XRN1: variants seen among roughly 807,000 people sequenced by gnomAD.
XRN1 encodes strand-exchange protein 1 homolog.
XRN1 carries 67 observed loss-of-function variants against 222.3 expected under a neutral mutation model. The ratio of observed to expected loss-of-function variants is 0.30; its 90% CI spans 0.25 to 0.37. XRN1 has a LOEUF of 0.37. Ranked by LOEUF, XRN1 falls within the 10% of genes least tolerant of loss-of-function variation. XRN1 has a pLI of 1.00. For missense variants in XRN1, 1,707 were observed against 2,000.2 expected, an observed-to-expected ratio of 0.85 and a Z score of 2.80; for synonymous variants, 643 against 652.4, an observed-to-expected ratio of 0.99 and a Z score of 0.22.
chr3:142,392,509 A>G (rs2067766319), intron 20 of XRN1, among the ~76,000 whole-genome samples: 3 of 151,934 alleles, frequency 2.0e-5, no homozygotes, highest in Non-Finnish European at 2.9e-5. Context: ...AGAGTGTGAT[A>G]TTCCCCTTCC....
intron 1 of XRN1, among the ~76,000 whole-genome samples, chr3:142,433,497 C>T (rs1482292087): frequency 2.0e-5 from 3 of 152,174 alleles, no homozygotes; most frequent in Non-Finnish European, 4.4e-5. Context: ...GAATAACAAA[C>T]ATCTGCTTTT....
At chr3:142,316,358 A>G (rs2065212510) in intron 39 of XRN1, among the ~76,000 whole-genome samples, 1 of 151,898 alleles carries the variant, frequency 6.6e-6, no homozygotes, top group African/African-American at 2.4e-5. Context: ...CTGGGACTAT[A>G]GGTGCATGCC....
intron 20 of XRN1, among the ~76,000 whole-genome samples, chr3:142,387,882 CT>C (rs1471621591): frequency 3.3e-5 from 5 of 152,080 alleles, no homozygotes. Context: ...ACCTCCCTCC[CT>C]ACCCCTCTCT....
intron 37 of XRN1, among the ~76,000 whole-genome samples, chr3:142,321,268 T>G (rs1339887519): frequency 1.3e-5 from 2 of 152,086 alleles, no homozygotes; most frequent in South Asian, 4.2e-4. Context: ...TACAGGTGCA[T>G]GCCATCATGT....
chr3:142,434,463 G>A (rs2069779560), intron 1 of XRN1, among the ~76,000 whole-genome samples: 1 of 150,576 alleles, frequency 6.6e-6, no homozygotes, highest in Non-Finnish European at 1.5e-5. Context: ...GTGAGCCACT[G>A]CGCCTGGCCT....
intron 30 of XRN1, among the ~76,000 whole-genome samples, chr3:142,358,901 A>AG: frequency 6.6e-6 from 1 of 152,186 alleles, no homozygotes; most frequent in East Asian, 1.9e-4. Context: ...ATCAAAATAG[A>AG]GGAAAAAAGG....
At chr3:142,311,907 G>C in intron 40 of XRN1, 94 bp from the exon 41 acceptor site, 8 of 1,264,144 alleles carry the variant, frequency 6.3e-6, no homozygotes, top group Non-Finnish European at 8.7e-6. Context: ...GTTAATATTT[G>C]TCAATCACAG....
At chr3:142,328,891 G>C (rs2065612089) in intron 37 of XRN1, among the ~76,000 whole-genome samples, 1 of 149,256 alleles carries the variant, frequency 6.7e-6, no homozygotes, top group South Asian at 2.2e-4. Flanking sequence ...GAGCAGCTGG[G>C]ACTACAGGCT....
At chr3:142,431,422 T>C (rs1444161002) in intron 2 of XRN1, among the ~76,000 whole-genome samples, 1 of 152,132 alleles carries the variant, frequency 6.6e-6, no homozygotes, top group African/African-American at 2.4e-5. Context: ...GGCTCACACC[T>C]GTAATCCCAG....
chr3:142,423,675 C>T (rs1468831279), intron 5 of XRN1, 33 bp from the exon 6 acceptor site: 2 of 1,510,470 alleles, frequency 1.3e-6, no homozygotes, highest in African/African-American at 1.4e-5. Context: ...TGTTTTTATT[C>T]TCCCATTTTT....
intron 5 of XRN1, among the ~76,000 whole-genome samples, chr3:142,424,346 T>G (rs970225671): frequency 6.6e-6 from 1 of 152,166 alleles, no homozygotes; most frequent in African/African-American, 2.4e-5. Flanking sequence ...TCTGGCCGCC[T>G]CGGCCTCCCA....
chr3:142,336,075 G>A (rs927356917), intron 33 of XRN1, among the ~76,000 whole-genome samples: 2 of 152,146 alleles, frequency 1.3e-5, no homozygotes, highest in African/African-American at 4.8e-5. Flanking sequence ...TTCTGTTAAG[G>A]GGAAATTGGG....
At chr3:142,336,317 C>T (rs2065850011) in intron 33 of XRN1, among the ~76,000 whole-genome samples, 1 of 151,990 alleles carries the variant, frequency 6.6e-6, no homozygotes, top group Non-Finnish European at 1.5e-5. Context: ...ATTGGATATA[C>T]TGGATTATAT....
At chr3:142,379,909 GT>G in intron 23 of XRN1, among the ~76,000 whole-genome samples, 172 bp downstream of exon 23, 1 of 152,094 alleles carries the variant, frequency 6.6e-6, no homozygotes, top group South Asian at 2.1e-4. Flanking sequence ...TCTACATGAA[GT>G]TTTGAGCACA....
Position 142,426,780 on chromosome 3 carries a change from T to C in XRN1, c.370A>G (p.Thr124Ala), listed in dbSNP as rs1324075743. The C allele has an allele frequency of 6.2e-7, 1 of 1,613,828 alleles. No individual in the cohort carries two copies. The highest frequency in any genetic ancestry group is 8.5e-7 in the Non-Finnish European group (1 of 1,179,980). The stretch of plus-strand genomic sequence containing the variant: ...CAGTTGGAATCAAATCTGGCCTCTG[T>C]AGGAAGAGTTTCTCCCTTCTCTATT... ...KAIEKGETLP[T>A]EARFDSNCIT... Residue 124 changes from threonine (T) to alanine (A), a missense_variant, in exon 3 of 41, where the codon ACA becomes GCA. Around this residue, in one of 2 missense-constraint regions of XRN1, gnomAD observed 1,234 missense variants for 1,518.2 expected, o/e 0.81. Coordinates refer to ENST00000392981, the MANE Select transcript of XRN1 (RefSeq NM_001282857.2).
chr3:142,422,144 G>A (rs2069059822), intron 8 of XRN1, among the ~76,000 whole-genome samples: 1 of 151,926 alleles, frequency 6.6e-6, no homozygotes, highest in South Asian at 2.1e-4. Flanking sequence ...AGACCAGCCT[G>A]GTCAATATGG....
chr3:142,358,151 C>T (rs1050836830), intron 30 of XRN1, among the ~76,000 whole-genome samples: 1 of 152,186 alleles, frequency 6.6e-6, no homozygotes. Flanking sequence ...CAGTATAGCT[C>T]TTCCTAAGCA....
intron 1 of XRN1, among the ~76,000 whole-genome samples, chr3:142,442,405 T>C (rs1047009513): frequency 3.3e-5 from 5 of 152,152 alleles, no homozygotes; most frequent in East Asian, 1.9e-4. Flanking sequence ...GGACCCCTAG[T>C]ATGGGGTAAT....
At chr3:142,397,545 A>T in intron 19 of XRN1, 85 bp from the exon 20 acceptor site, 1 of 1,178,172 alleles carries the variant, frequency 8.5e-7, no homozygotes, top group Non-Finnish European at 1.1e-6. Context: ...CAAATGAAAT[A>T]TTTTTTTCAC....
Sources: gnomAD v4.1 joint callset for allele counts (sites outside exome capture counted in the v4.1 genomes callset) on GRCh38, gnomAD v4.1.1 for gene constraint, gnomAD v4.1.1 regional missense constraint, MANE v1.5 for transcripts, NCBI Gene and HGNC (gene_info 2026-07-23, HGNC 2026-07-21) for gene names.